DLEC1: variants seen among roughly 807,000 people sequenced by gnomAD.
The protein encoded by DLEC1 is DLEC1 cilia and flagella associated protein.
Under a neutral mutation model 198.1 loss-of-function variants are expected in DLEC1, and 146 were observed. That is an observed-to-expected ratio of 0.74 (90% CI 0.64 to 0.85). The LOEUF (loss-of-function observed/expected upper bound fraction) is 0.85, where lower values mean the gene tolerates loss of function less well. DLEC1 is among the 40% of genes least tolerant of loss of function. The pLI is 0.00. For synonymous variants in DLEC1, 897 were observed against 866.8 expected (o/e 1.03, Z -0.61); for missense variants, 2,233 against 2,220.0 (o/e 1.01, Z -0.12).
At chr3:38,070,096 C>T (rs771039988) in intron 6 of DLEC1, among the ~76,000 whole-genome samples, 3 of 152,150 alleles carry the variant, frequency 2.0e-5, no homozygotes, top group Non-Finnish European at 4.4e-5. Context: ...TGATGTGCTA[C>T]ACACTGTGCT....
At chr3:38,086,851 G>T (rs192620242) in intron 9 of DLEC1, among the ~76,000 whole-genome samples, 61 of 152,258 alleles carry the variant, frequency 4.0e-4, no homozygotes, top group South Asian at 1.5e-3. Flanking sequence ...GAGGCAGGCA[G>T]ATTACCTGAG....
intron 2 of DLEC1, chr3:38,052,116 G>A (rs1258581282): frequency 2.1e-5 from 7 of 337,050 alleles, no homozygotes; most frequent in African/African-American, 4.3e-5. Flanking sequence ...TGGGCTCCTC[G>A]ACCCTGTGCA....
chr3:38,091,001 C>G (rs968524325), intron 10 of DLEC1, among the ~76,000 whole-genome samples: 4 of 152,220 alleles, frequency 2.6e-5, no homozygotes, highest in Non-Finnish European at 5.9e-5. Context: ...TTGCATTTAA[C>G]AGAATGAAAC....
chr3:38,094,868 T>G lies in DLEC1; in HGVS notation c.1920-11T>G, dbSNP rs2125693571. The G allele has an allele frequency of 6.2e-7, 1 of 1,612,756 alleles. No individual in the cohort carries two copies. The highest frequency in any genetic ancestry group is 8.5e-7 in the Non-Finnish European group (1 of 1,179,432). Reference sequence around the variant, plus strand: ...AACTGGGACATGGCCTTGGATGCGTTGCCCCCACAGGCACGTGGAGCTGGC... The same window carrying G: ...AACTGGGACATGGCCTTGGATGCGTGGCCCCCACAGGCACGTGGAGCTGGC... On this transcript the variant is annotated splice_polypyrimidine_tract_variant and intron_variant, in intron 12 of 36. Transcript: ENST00000308059.
chr3:38,075,240 A>AG (rs1194810438), intron 6 of DLEC1, among the ~76,000 whole-genome samples: 3 of 152,222 alleles, frequency 2.0e-5, no homozygotes, highest in Admixed American at 1.3e-4. Flanking sequence ...GAGACTAGGG[A>AG]GGGAACAAAG....
At chr3:38,108,655 G>A in intron 21 of DLEC1, 140 bp downstream of exon 21, 1 of 697,774 alleles carries the variant, frequency 1.4e-6, no homozygotes, top group Non-Finnish European at 2.5e-6. Context: ...ATTTGGGTCT[G>A]GGGTCCCCAT....
chr3:38,117,547 A>G lies in DLEC1; in HGVS notation c.4421A>G (p.Tyr1474Cys). The change falls in exon 32 of 37, where the codon TAC (tyrosine) becomes TGC (cysteine). Residue 1474 changes from tyrosine (Y) to cysteine (C), a missense_variant. Physicochemically the swap from Tyr to Cys is radical, Grantham distance 194. Transcript: ENST00000308059. ...RPAQLSVELD[Y>C]GGSMEFQCQA... The stretch of plus-strand genomic sequence containing the variant: ...GGCAGGCTAAGTGTGGAGCTGGACT[A>G]CGGCGGCAGTATGGAATTCCAGTGC... 6.2e-7 allele frequency: 1 copy of G among 1,614,170 alleles called. No homozygotes were observed. The highest frequency in any genetic ancestry group is 8.5e-7 in the Non-Finnish European group (1 of 1,179,998).
Position 38,097,726 on chromosome 3 carries a change from G to T in DLEC1, c.2566-18G>T. ...CCATCCCCAGGTGGCCCAGTGACAG[G>T]CCCTCTGGGTGTCTCAGGGGCCTGC... On this transcript the variant is annotated intron_variant, in intron 17 of 36. Coordinates refer to ENST00000308059, the MANE Select transcript of DLEC1 (RefSeq NM_007335.4). 1 of 1,613,690 alleles carries T rather than the reference G, an allele frequency of 6.2e-7. No homozygotes were observed. The highest frequency in any genetic ancestry group is 8.5e-7 in the Non-Finnish European group (1 of 1,179,616).
chr3:38,043,927 A>G (rs1333589462), intron 1 of DLEC1, among the ~76,000 whole-genome samples: 4 of 152,258 alleles, frequency 2.6e-5, no homozygotes, highest in East Asian at 3.9e-4. Context: ...TAGGAATACA[A>G]TAAGGAACAC....
At position 38,110,201 on chromosome 3, in the gene DLEC1, C is replaced by G. The variant is rs1184189524; in HGVS notation, c.3363C>G (p.Arg1121=). Residue 1121 remains arginine, a synonymous_variant, in exon 23 of 37, where the codon CGC becomes CGG. Transcript: ENST00000308059. ...RVTRQLILTN[R]SPIRTRFSLK... ...CTCGCCAGCTCATTCTCACCAATCG[C>G]TCCCCAATACGGACCCGTTTCTCCC... The G allele has an allele frequency of 6.2e-7, 1 of 1,614,218 alleles. No individual in the cohort carries two copies. The highest frequency in any genetic ancestry group is 8.5e-7 in the Non-Finnish European group (1 of 1,180,040).
rs567862114 is a variant in DLEC1 at position 38,061,691 on chromosome 3, C to T, written c.674-478C>T. On this transcript the variant is annotated intron_variant, in intron 3 of 36. Coordinates refer to ENST00000308059, the MANE Select transcript of DLEC1 (RefSeq NM_007335.4). ...TTGTTTGTTTGTTTGTTTTTGAGAC[C>T]GGGTCTTGCTTTGTTGCCCAGGCTG... Among the ~76,000 whole-genome samples, 36 of 151,958 alleles carry T rather than the reference C, an allele frequency of 2.4e-4. No homozygotes were observed. The South Asian group carries it at 5.4e-3, about 23-fold the overall frequency.
chr3:38,064,682 A>C (rs1338312657), intron 6 of DLEC1, among the ~76,000 whole-genome samples: 1 of 141,016 alleles, frequency 7.1e-6, no homozygotes, highest in Non-Finnish European at 1.5e-5. Context: ...GGGCAGAGAC[A>C]CTCCTCAGTT....
chr3:38,094,973 T>G lies in DLEC1; in HGVS notation c.2014T>G (p.Tyr672Asp). 1 of 1,614,230 alleles carries G rather than the reference T, an allele frequency of 6.2e-7. No homozygotes were observed. The highest frequency in any genetic ancestry group is 1.6e-4 in the Middle Eastern group (1 of 6,062). Residue 672 changes from tyrosine to aspartate, a missense_variant, in exon 13 of 37, where the codon TAC becomes GAC. Coordinates refer to ENST00000308059, the MANE Select transcript of DLEC1 (RefSeq NM_007335.4). ...CTTCAGCATGGACAGCATCAAGTGC[T>G]ACCCCGACAAGGAGACTGCCTTCTC... ...ETFSMDSIKC[Y>D]PDKETAFSIM... is the part of the protein sequence containing the mutation.
At chr3:38,052,668 AG>A (rs980600424) in intron 2 of DLEC1, among the ~76,000 whole-genome samples, 2 of 152,208 alleles carry the variant, frequency 1.3e-5, no homozygotes, top group African/African-American at 2.4e-5. Context: ...ACTGGAGTCC[AG>A]AGGGAAGTTT....
chr3:38,088,583 A>AGAAC (rs1164150150), intron 10 of DLEC1, among the ~76,000 whole-genome samples, 195 bp downstream of exon 10: 4 of 152,132 alleles, frequency 2.6e-5, no homozygotes, highest in African/African-American at 9.7e-5. Context: ...CACAAAGCAA[A>AGAAC]TGCAGATAGC....
Position 38,112,036 on chromosome 3 carries a change from C to A in DLEC1, c.3515-174C>A, listed in dbSNP as rs1211708887. Among the ~76,000 whole-genome samples, 1 of 152,072 alleles carries A rather than the reference C, an allele frequency of 6.6e-6. No homozygotes were observed. Among genetic ancestry groups the A allele is most frequent in the Non-Finnish European group, 1.5e-5 (1 of 67,982 alleles). ...AGTAGAGAGGCTGACCACGCAGGAC[C>A]CTGAGTAGCTTGCCTCTGGATTCCA... On this transcript the variant is annotated intron_variant, in intron 24 of 36. Transcript: ENST00000308059. The surrounding 1 kb of genome is among the most constrained non-coding windows in gnomAD (Gnocchi z 4.8).
chr3:38,079,347 G>A (rs930421601), intron 6 of DLEC1, among the ~76,000 whole-genome samples: 16 of 152,108 alleles, frequency 1.1e-4, no homozygotes, highest in African/African-American at 3.9e-4. Flanking sequence ...AGGTTTAGAA[G>A]CCTGGCTGTC....
At chr3:38,051,665 G>A (rs564707211) in intron 2 of DLEC1, 10 of 221,736 alleles carry the variant, frequency 4.5e-5, no homozygotes, top group Middle Eastern at 2.6e-3. Flanking sequence ...AATAAAAGCC[G>A]CCCTCATTCT....
At chr3:38,076,428 T>G (rs1430158066) in intron 6 of DLEC1, among the ~76,000 whole-genome samples, 1 of 151,630 alleles carries the variant, frequency 6.6e-6, no homozygotes, top group Non-Finnish European at 1.5e-5. Flanking sequence ...TTTATAAGAT[T>G]TGGGTGGGTA....
Sources: gnomAD v4.1 joint callset for allele counts (sites outside exome capture counted in the v4.1 genomes callset) on GRCh38, gnomAD v4.1.1 for gene constraint, Gnocchi (gnomAD v3.1) non-coding constraint, MANE v1.5 for transcripts, NCBI Gene and HGNC (gene_info 2026-07-23, HGNC 2026-07-21) for gene names.